Variants in TDRKH observed in about 807,000 individuals in gnomAD.
TDRKH encodes tudor and KH domain containing, also known as tudor and KH domain-containing protein.
TDRKH carries 28 observed loss-of-function variants against 61.3 expected under a neutral mutation model. The ratio of observed to expected loss-of-function variants is 0.46; its 90% confidence interval spans 0.34 to 0.63. TDRKH has a LOEUF of 0.63. Among genes scored for constraint, TDRKH ranks in the 20% least tolerant of loss-of-function variants. The pLI, the probability that TDRKH is intolerant of heterozygous loss-of-function variation, is 0.01. For missense variants in TDRKH, 540 were observed against 683.4 expected, an observed-to-expected ratio of 0.79 and a Z score of 2.34; for synonymous variants, 219 against 244.4, an observed-to-expected ratio of 0.90 and a Z score of 0.97.
In TDRKH at chr1:151,780,007, T is replaced by C. The variant is rs1034063306; in HGVS notation, c.365A>G (p.Asn122Ser). ...KAAIHQILTE[N>S]TPVSEQLSVP... is the part of the protein sequence containing the mutation. ...TGAAAGCTGCTCAGACACTGGGGTA[T>C]TCTCTGTCAGGATCTGATGGATTGC... The change falls in exon 4 of 13, where the codon AAT becomes AGT. Residue 122 changes from asparagine (N) to serine (S), a missense_variant. This residue lies in a region of TDRKH where 156 missense variants were observed against 218.0 expected (regional missense o/e 0.72). Transcript: ENST00000368824. The C allele has an allele frequency of 6.2e-7, 1 of 1,614,062 alleles. No homozygotes were observed. The highest frequency in any genetic ancestry group is 1.3e-5 in the African/African-American group (1 of 74,932).
rs1019993623 is a variant in TDRKH, at chr1:151,774,276, A to C, written c.*176T>G. 2.8e-5 allele frequency: 18 copies of C among 633,552 alleles called. No individual in the cohort carries two copies. In the African/African-American group the frequency reaches 3.1e-4, roughly 11 times the overall value. The allele number at this position is 633,552 out of a possible 1,614,324, so 39.2% of individuals were successfully genotyped here. ...AAAGCTTGAAAGTGCTCAATCTGAG[A>C]GCAAGTTAAGCTGCAGGAAAGCAGC... is the stretch of plus-strand genomic sequence containing the variant. On this transcript the variant is annotated 3_prime_UTR_variant, in exon 13 of 13. Transcript: ENST00000368824.
Position 151,775,837 on chromosome 1 carries a change from G to C in TDRKH, c.1265C>G (p.Ala422Gly). The C allele has an allele frequency of 1.2e-6, 2 of 1,613,706 alleles. No individual in the cohort carries two copies. The highest frequency in any genetic ancestry group is 1.7e-6 in the Non-Finnish European group (2 of 1,179,644). ...LPFQAIECSL[A>G]RIAPSGDQWE... Reference sequence around the variant, plus strand: ...CAATTTACCTGAGGGAGCAATCCGTGCCAGACTACATTCTATTGCTTGAAA... The same window carrying C: ...CAATTTACCTGAGGGAGCAATCCGTCCCAGACTACATTCTATTGCTTGAAA... Residue 422 changes from alanine (A) to glycine (G), a missense_variant, in exon 9 of 13, where the codon GCA (alanine) becomes GGA (glycine). Around this residue, in one of 3 missense-constraint regions of TDRKH, gnomAD observed 379 missense variants for 443.8 expected, o/e 0.85. Transcript: ENST00000368824.
chr1:151,768,001 CCCA>C, downstream of TDRKH: 1 of 1,600,284 alleles, frequency 6.2e-7, no homozygotes, highest in Non-Finnish European at 8.5e-7. Context: ...CGGACACACC[CCCA>C]TCTGCCTGAG....
At chr1:151,770,934 G>A, downstream of TDRKH, 4 of 1,176,376 alleles carry the variant, frequency 3.4e-6, no homozygotes, top group Non-Finnish European at 4.5e-6. Flanking sequence ...TTAGAGCCTA[G>A]GTCTGTTGGA....
chr1:151,778,429 A>G (rs1020365481), intron 6 of TDRKH, among the ~76,000 whole-genome samples: 1 of 152,228 alleles, frequency 6.6e-6, no homozygotes, highest in African/African-American at 2.4e-5. Context: ...GTTCTCTCCT[A>G]CAATTAGGAG....
At chr1:151,780,258 T>A in intron 3 of TDRKH, 118 bp from the exon 4 acceptor site, 2 of 350,888 alleles carry the variant, frequency 5.7e-6, no homozygotes, top group Non-Finnish European at 9.6e-6. Flanking sequence ...AATTAGCTAA[T>A]ACTATCTATA....
At chr1:151,768,769 A>G (rs1406279139), downstream of TDRKH, among the ~76,000 whole-genome samples, 1 of 152,156 alleles carries the variant, frequency 6.6e-6, no homozygotes, top group East Asian at 1.9e-4. Context: ...GCAGATAAAC[A>G]AGTGAACAAG....
chr1:151,772,133 T>A (rs1648738710), downstream of TDRKH: 2 of 391,800 alleles, frequency 5.1e-6, no homozygotes, highest in Non-Finnish European at 9.0e-6. Flanking sequence ...TCTTGCTGTG[T>A]CACACAGGCT....
chr1:151,775,599 G>A (rs1221699364), intron 9 of TDRKH, 56 bp from the exon 10 acceptor site: 24 of 1,562,492 alleles, frequency 1.5e-5, no homozygotes, highest in Admixed American at 2.0e-5. Flanking sequence ...TACCCTGGAG[G>A]GAAGTTGGAA....
At chr1:151,786,493 G>T (rs1260978441) in intron 1 of TDRKH, among the ~76,000 whole-genome samples, 3 of 152,162 alleles carry the variant, frequency 2.0e-5, no homozygotes, top group Admixed American at 2.0e-4. Context: ...TTTACGTATG[G>T]AACTTCCCAT....
chr1:151,774,660 G>A (rs1648975816), intron 12 of TDRKH, 50 bp downstream of exon 12: 5 of 1,604,290 alleles, frequency 3.1e-6, no homozygotes, highest in Non-Finnish European at 4.3e-6. Context: ...AAGACTGAAT[G>A]AGAAAAGTTA....
At chr1:151,789,255 T>C (rs964421709) in intron 1 of TDRKH, among the ~76,000 whole-genome samples, 11 of 152,238 alleles carry the variant, frequency 7.2e-5, no homozygotes, top group African/African-American at 2.7e-4. Context: ...TTTGTGCTAA[T>C]TGAGTTATCA....
At chr1:151,770,377 C>A (rs1648632591), downstream of TDRKH, 6 of 1,390,972 alleles carry the variant, frequency 4.3e-6, no homozygotes, top group Admixed American at 4.8e-5. Context: ...TTCAGGGATT[C>A]TTTTCTTCCC....
intron 1 of TDRKH, among the ~76,000 whole-genome samples, chr1:151,786,138 GCA>G (rs768100807): frequency 6.6e-6 from 1 of 152,150 alleles, no homozygotes; most frequent in Non-Finnish European, 1.5e-5. Context: ...TTCAGGGAAA[GCA>G]CAGTCAATCT....
At position 151,778,798 on chromosome 1, in the gene TDRKH, C is replaced by G. The variant is rs17853082; in HGVS notation, c.770G>C (p.Gly257Ala). The part of the protein sequence containing the change: ...TAPLVTPPPK[G>A]GGDMAVVVSK... The stretch of plus-strand genomic sequence containing the variant: ...CACTACCACAGCCATGTCGCCTCCT[C>G]CTTTGGGTGGAGGAGTCACCAGGGG... Residue 257 changes from glycine (G) to alanine (A), a missense_variant, in exon 6 of 13, where the codon GGA becomes GCA. By Grantham distance (60) the Gly-to-Ala change is moderately conservative. This residue lies in a region of TDRKH where 379 missense variants were observed against 443.8 expected (regional missense o/e 0.85). Transcript: ENST00000368824. The G allele has an allele frequency of 0.036, 57,760 of 1,614,188 alleles. 1,315 individuals are homozygous for G. The highest frequency in any genetic ancestry group is 0.041 in the Non-Finnish European group (47,849 of 1,180,036).
chr1:151,774,463 A>G lies in TDRKH; in HGVS notation c.1675T>C (p.Tyr559His), dbSNP rs1360235112. ...MSGDDNLEDD[Y>H]LL ...CTGAAGCCCAGACTTCAGAGTAAGT[A>G]GTCATCTTCAAGGTTATCATCACCA... The change falls in exon 13 of 13, where the codon TAC becomes CAC. Residue 559 changes from tyrosine to histidine, a missense_variant. Transcript: ENST00000368824. 1 of 1,614,212 alleles carries G rather than the reference A, an allele frequency of 6.2e-7. No individual in the cohort carries two copies. Among genetic ancestry groups the G allele is most frequent in the Non-Finnish European group, 8.5e-7 (1 of 1,180,014 alleles).
rs1397449514 is a variant in TDRKH, at chr1:151,775,153, C to T, written c.1448G>A (p.Gly483Glu). 1.2e-6 allele frequency: 2 copies of T among 1,613,946 alleles called. No homozygotes were observed. The highest frequency in any genetic ancestry group is 1.1e-5 in the South Asian group (1 of 91,040). Reference sequence around the variant, plus strand: ...GTATCCTTTGTGTACTAATTCTAGCCCAATATCAAGTTTCTGAGAAGAAAA... The same window carrying T: ...GTATCCTTTGTGTACTAATTCTAGCTCAATATCAAGTTTCTGAGAAGAAAA... ...DTSNGKKLDI[G>E]LELVHKGYAI... The change falls in exon 11 of 13, where the codon GGG (glycine) becomes GAG (glutamate). Residue 483 changes from glycine (G) to glutamate (E), a missense_variant. This residue lies in a region of TDRKH where 379 missense variants were observed against 443.8 expected (regional missense o/e 0.85). Coordinates refer to ENST00000368824, the MANE Select transcript of TDRKH (RefSeq NM_001083965.2).
At chr1:151,783,416 C>T (rs1327088004) in intron 1 of TDRKH, among the ~76,000 whole-genome samples, 2 of 152,250 alleles carry the variant, frequency 1.3e-5, no homozygotes, top group African/African-American at 2.4e-5. Context: ...GAAGCTGCTG[C>T]CTCTGCAAGA....
intron 3 of TDRKH, among the ~76,000 whole-genome samples, 153 bp downstream of exon 3, chr1:151,781,328 A>ATATATAT (rs1553282748): frequency 5.8e-5 from 4 of 68,596 alleles, no homozygotes; most frequent in Non-Finnish European, 1.0e-4. Context: ...AAAAAAAAAA[A>ATATATAT]ATATATATAT....
Sources: allele counts gnomAD v4.1 joint callset (sites outside exome capture counted in the v4.1 genomes callset), GRCh38; gene constraint gnomAD v4.1.1; regional missense constraint gnomAD v4.1.1; transcripts MANE v1.5; gene names NCBI Gene and HGNC (gene_info 2026-07-23, HGNC 2026-07-21).